Variants in STARD9 observed in about 807,000 individuals in gnomAD.
The protein encoded by STARD9 is StAR related lipid transfer domain containing 9, also known as stAR-related lipid transfer protein 9.
A neutral mutation model predicts 399.8 loss-of-function variants in STARD9; 346 were observed. That is an observed-to-expected ratio of 0.87 (90% CI 0.79 to 0.95). The LOEUF (loss-of-function observed/expected upper bound fraction) is 0.95, where lower values mean the gene tolerates loss of function less well. Ranked by LOEUF, STARD9 falls within the 40% of genes least tolerant of loss-of-function variation. STARD9 has a pLI of 0.00. For missense variants in STARD9, 5,832 were observed against 5,667.5 expected, an observed-to-expected ratio of 1.03 and a Z score of -0.93; for synonymous variants, 2,203 against 2,143.5, an observed-to-expected ratio of 1.03 and a Z score of -0.77.
chr15:42,694,767 G>A, intron 24 of STARD9, 42 bp downstream of exon 24: 1 of 1,507,832 alleles, frequency 6.6e-7, no homozygotes, highest in Non-Finnish European at 8.9e-7. Flanking sequence ...GGCTCTGTTG[G>A]GGGAGGGGAG....
intron 3 of STARD9, among the ~76,000 whole-genome samples, chr15:42,633,480 ACTT>A (rs2059367850): frequency 6.6e-6 from 1 of 152,148 alleles, no homozygotes; most frequent in Admixed American, 6.6e-5. Flanking sequence ...TTGAGCACAC[ACTT>A]GGCACTTCTA....
chr15:42,688,620 C>T lies in STARD9; in HGVS notation c.7042C>T (p.His2348Tyr). The change falls in exon 23 of 33, where the codon CAT becomes TAT. Residue 2348 changes from histidine to tyrosine, a missense_variant. His to Tyr is a moderately conservative substitution (Grantham distance 83, BLOSUM62 2). Transcript: ENST00000290607. ...NSPRWPRRCLHVPVALGISSL... is the reference protein window; with the variant it reads ...NSPRWPRRCLYVPVALGISSL... The stretch of plus-strand genomic sequence containing the variant: ...TCCAAGGTGGCCAAGAAGGTGTCTT[C>T]ATGTACCTGTTGCTCTAGGCATCTC... 1.3e-6 allele frequency: 2 copies of T among 1,537,598 alleles called. No homozygotes were observed. Among genetic ancestry groups the T allele is most frequent in the Non-Finnish European group, 8.7e-7 (1 of 1,146,986 alleles).
At chr15:42,596,376 G>A (rs1194100786) in intron 3 of STARD9, among the ~76,000 whole-genome samples, 2 of 152,154 alleles carry the variant, frequency 1.3e-5, no homozygotes, top group Non-Finnish European at 2.9e-5. Flanking sequence ...GGTTTAAAGC[G>A]ATTGTCAATT....
chr15:42,585,250 G>C (rs1359009764), intron 2 of STARD9, among the ~76,000 whole-genome samples: 2 of 152,178 alleles, frequency 1.3e-5, no homozygotes, highest in African/African-American at 4.8e-5. Context: ...GAGCGGGAGA[G>C]GCTTTCTCTC....
chr15:42,693,920 G>A lies in STARD9; in HGVS notation c.12342G>A (p.Glu4114=), dbSNP rs1255477199. Residue 4114 remains glutamate, a synonymous_variant, in exon 23 of 33, where the codon GAG becomes GAA. Coordinates refer to ENST00000290607, the MANE Select transcript of STARD9 (RefSeq NM_020759.3). The part of the protein sequence containing the change: ...LGLPQACQPE[E]LLCFSCQMCM... ...TCCCTCAGGCCTGCCAACCTGAGGA[G>A]TTACTGTGCTTCAGTTGCCAGATGT... The A allele has an allele frequency of 6.6e-7, 1 of 1,514,194 alleles. No homozygotes were observed. The highest frequency in any genetic ancestry group is 2.5e-5 in the East Asian group (1 of 40,718). 93.8% of individuals were successfully genotyped at this position (1,514,194 alleles called of 1,614,324 possible).
In STARD9 at chr15:42,692,727, A is replaced by G; in HGVS notation, c.11149A>G (p.Lys3717Glu). 1 of 1,537,106 alleles carries G rather than the reference A, an allele frequency of 6.5e-7. No homozygotes were observed. Residue 3717 changes from lysine (K) to glutamate (E), a missense_variant, in exon 23 of 33, where the codon AAA (lysine) becomes GAA (glutamate). Coordinates refer to ENST00000290607, the MANE Select transcript of STARD9 (RefSeq NM_020759.3). ...EQNTKRDIPD[K>E]APQALMMDGS... Reference sequence around the variant, plus strand: ...GAACACCAAGAGGGACATCCCAGATAAAGCCCCACAGGCCCTGATGATGGA... The same window carrying G: ...GAACACCAAGAGGGACATCCCAGATGAAGCCCCACAGGCCCTGATGATGGA...
intron 3 of STARD9, among the ~76,000 whole-genome samples, chr15:42,625,286 C>A (rs974192832): frequency 1.3e-5 from 2 of 152,094 alleles, no homozygotes; most frequent in East Asian, 3.9e-4. Flanking sequence ...CTCAGCCCCC[C>A]AAAGTGCTGG....
chr15:42,593,824 C>T (rs1251013553), intron 3 of STARD9, among the ~76,000 whole-genome samples: 5 of 151,434 alleles, frequency 3.3e-5, no homozygotes, highest in Admixed American at 2.0e-4. Context: ...CCACCACGCC[C>T]GGCTAACTTT....
At chr15:42,601,673 A>G (rs1440255960) in intron 3 of STARD9, among the ~76,000 whole-genome samples, 1 of 152,100 alleles carries the variant, frequency 6.6e-6, no homozygotes, top group Non-Finnish European at 1.5e-5. Flanking sequence ...TTTCTGAGCA[A>G]AACTCTCCAT....
intron 1 of STARD9, among the ~76,000 whole-genome samples, chr15:42,579,547 G>T (rs1476280186): frequency 6.6e-6 from 1 of 152,098 alleles, no homozygotes; most frequent in Non-Finnish European, 1.5e-5. Context: ...TTTGTAAAAT[G>T]GCCAGGTAGA....
rs1255219645 is a variant in STARD9 at position 42,663,938 on chromosome 15, C to T, written c.1176+21C>T. The T allele has an allele frequency of 3.5e-6, 5 of 1,442,898 alleles. No homozygotes were observed. The East Asian group carries it at 1.2e-4, about 36-fold the overall frequency. 89.4% of individuals were successfully genotyped at this position (1,442,898 alleles called of 1,614,324 possible). On this transcript the variant is annotated intron_variant, in intron 13 of 32. Coordinates refer to ENST00000290607, the MANE Select transcript of STARD9 (RefSeq NM_020759.3). ...ATGAGGTGAGACCTTTTCAGAAGTC[C>T]TGGTCTGGTATAGTTTACACAAAGC...
At position 42,689,050 on chromosome 15, in the gene STARD9, G is replaced by A. The variant is rs1211786411; in HGVS notation, c.7472G>A (p.Ser2491Asn). Reference protein sequence around the residue: ...KVSSQPEKRVSFSLEEDSDQA... With the variant: ...KVSSQPEKRVNFSLEEDSDQA... The stretch of plus-strand genomic sequence containing the variant: ...TCTAGCCAGCCTGAAAAGAGGGTCA[G>A]CTTCTCCTTGGAAGAGGATAGTGAC... The change falls in exon 23 of 33, where the codon AGC becomes AAC. Residue 2491 changes from serine to asparagine, a missense_variant. Transcript: ENST00000290607. 1 of 1,537,326 alleles carries A rather than the reference G, an allele frequency of 6.5e-7. No individual in the cohort carries two copies.
intron 3 of STARD9, among the ~76,000 whole-genome samples, chr15:42,618,282 G>A (rs763836100): frequency 1.3e-4 from 20 of 150,868 alleles, no homozygotes; most frequent in Admixed American, 2.0e-4. Context: ...ACAGGTGTGC[G>A]CCACCACACC....
chr15:42,575,980 G>GCT (rs2058045603), intron 1 of STARD9, among the ~76,000 whole-genome samples: 1 of 152,222 alleles, frequency 6.6e-6, no homozygotes, highest in Non-Finnish European at 1.5e-5. Context: ...GCCGCGGGAG[G>GCT]GCTGCCCTGG....
chr15:42,675,697 TC>T lies in STARD9; in HGVS notation c.1723del (p.Arg575AspfsTer83). ...ATAACCCTGGGGAAGGCACAGAAGT[TC>T]CGATTCAACCACCCAGCAGAGGCTG... ...AVITLGKAQK[F>X]RFNHPAEAAV... On this transcript the variant is annotated frameshift_variant, in exon 19 of 33. Transcript: ENST00000290607. LOFTEE classifies it high-confidence loss of function. The T allele has an allele frequency of 6.5e-7, 1 of 1,537,194 alleles. No individual in the cohort carries two copies. The highest frequency in any genetic ancestry group is 8.7e-7 in the Non-Finnish European group (1 of 1,146,872).
chr15:42,579,098 G>C (rs1040412576), intron 1 of STARD9, among the ~76,000 whole-genome samples: 2 of 152,176 alleles, frequency 1.3e-5, no homozygotes, highest in African/African-American at 4.8e-5. Flanking sequence ...TATGAGGGGA[G>C]TCATTCTCCT....
chr15:42,684,053 CCTT>C (rs1382222194), intron 22 of STARD9, 60 bp from the exon 23 acceptor site: 1 of 1,466,972 alleles, frequency 6.8e-7, no homozygotes, highest in Non-Finnish European at 9.0e-7. Context: ...TTTTTAACCT[CCTT>C]CTGTCCACAG....
At chr15:42,717,202 G>A (rs1303779746) in intron 28 of STARD9, among the ~76,000 whole-genome samples, 154 bp downstream of exon 28, 2 of 152,126 alleles carry the variant, frequency 1.3e-5, no homozygotes, top group African/African-American at 2.4e-5. Flanking sequence ...AGGGGAATTC[G>A]GGTCAGGCGC....
intron 3 of STARD9, among the ~76,000 whole-genome samples, chr15:42,588,776 G>GTTTTTTTTTTTTTTTTTTTTTTTTTT (rs758570571): frequency 2.6e-5 from 1 of 38,382 alleles, no homozygotes; most frequent in East Asian, 1.0e-3. Flanking sequence ...TCTTCACAGC[G>GTTTTTTTTTTTTTTTTTTTTTTTTTT]TTTTTTTTTT....
Sources: gnomAD v4.1 joint callset for allele counts (sites outside exome capture counted in the v4.1 genomes callset) on GRCh38, gnomAD v4.1.1 for gene constraint, MANE v1.5 for transcripts, NCBI Gene and HGNC (gene_info 2026-07-23, HGNC 2026-07-21) for gene names.